The following MYOM1 variants were observed in gnomAD, a reference collection of about 807,000 sequenced individuals.
MYOM1 encodes myomesin 1, also known as myomesin-1.
Under a neutral mutation model 205.3 loss-of-function variants are expected in MYOM1, and 164 were observed. That is an observed-to-expected ratio of 0.80 (90% CI 0.70 to 0.91). The LOEUF is 0.91. Ranked by LOEUF, MYOM1 falls within the 40% of genes least tolerant of loss-of-function variation. The probability of loss-of-function intolerance (pLI) is 0.00; values close to 1 mark genes in which losing one functional copy is unlikely to be tolerated. For missense variants in MYOM1, 2,011 were observed against 2,127.3 expected (o/e 0.95, Z 1.08); for synonymous variants, 772 against 789.4 (o/e 0.98, Z 0.37).
chr18:3,185,561 G>C (rs2080798173), intron 5 of MYOM1, among the ~76,000 whole-genome samples: 1 of 151,908 alleles, frequency 6.6e-6, no homozygotes, highest in Admixed American at 6.6e-5. Context: ...GGAAGTAATT[G>C]GTTTTTTAAG....
In MYOM1 at chr18:3,094,184, T is replaced by C; in HGVS notation, c.3850A>G (p.Ile1284Val). 1 of 1,613,946 alleles carries C rather than the reference T, an allele frequency of 6.2e-7. No homozygotes were observed. Among genetic ancestry groups the C allele is most frequent in the Non-Finnish European group, 8.5e-7 (1 of 1,179,846 alleles). ...GTAAAACCTACCGGGCCTTCAAAAA[T>C]TTCCTTCTCGTTAAATATGTAGTTG... is the stretch of plus-strand genomic sequence containing the variant. ...KVNYIFNEKE[I>V]FEGPKYKMHI... The change falls in exon 26 of 38, where the codon ATT (isoleucine) becomes GTT (valine). Residue 1284 changes from isoleucine (I) to valine (V), a missense_variant. Transcript: ENST00000356443.
intron 25 of MYOM1, among the ~76,000 whole-genome samples, chr18:3,097,951 C>T (rs1465927978): frequency 2.0e-5 from 3 of 152,236 alleles, no homozygotes; most frequent in Non-Finnish European, 4.4e-5. Flanking sequence ...GCCTGGGCAT[C>T]TTGAGCTCAA....
At chr18:3,140,404 CAAA>C (rs34922897) in intron 14 of MYOM1, among the ~76,000 whole-genome samples, 1 of 118,496 alleles carries the variant, frequency 8.4e-6, no homozygotes. Flanking sequence ...GAGGCTGTCT[CAAA>C]AAAAAAAAAA....
At chr18:3,136,073 T>A (rs2079957072) in intron 14 of MYOM1, among the ~76,000 whole-genome samples, 1 of 151,894 alleles carries the variant, frequency 6.6e-6, no homozygotes, top group South Asian at 2.1e-4. Context: ...GTAAGTCTCA[T>A]GAGAGCTGAT....
At chr18:3,182,355 G>A (rs545911939) in intron 5 of MYOM1, among the ~76,000 whole-genome samples, 1 of 152,248 alleles carries the variant, frequency 6.6e-6, no homozygotes, top group East Asian at 1.9e-4. Context: ...GATGGGTGCA[G>A]TACACCAACA....
intron 31 of MYOM1, 38 bp from the exon 32 acceptor site, chr18:3,084,065 A>AAATTCTC (rs1567896500): frequency 6.4e-7 from 1 of 1,557,054 alleles, no homozygotes. Flanking sequence ...TTTAGCATAA[A>AAATTCTC]AATTCTCAAT....
At chr18:3,099,039 G>T (rs2079343338) in intron 25 of MYOM1, among the ~76,000 whole-genome samples, 1 of 152,084 alleles carries the variant, frequency 6.6e-6, no homozygotes, top group African/African-American at 2.4e-5. Context: ...CTGCAGCCTT[G>T]AACTCCTGGC....
chr18:3,235,065 T>C, the MYOM1 span, among the ~76,000 whole-genome samples: 10 of 152,078 alleles, frequency 6.6e-5, no homozygotes, highest in African/African-American at 2.4e-4. Flanking sequence ...CCCGACATAC[T>C]TTTGATATTG....
intron 19 of MYOM1, among the ~76,000 whole-genome samples, chr18:3,126,418 GA>G (rs778427633): frequency 2.0e-5 from 3 of 147,956 alleles, no homozygotes; most frequent in South Asian, 2.1e-4. Context: ...TGTAAGTTTT[GA>G]AAAAAAAATT....
At position 3,135,225 on chromosome 18, in the gene MYOM1, C is replaced by T. The variant is rs1413282725; in HGVS notation, c.2209+322G>A. The T allele has an allele frequency of 1.0e-5, 3 of 288,362 alleles. No homozygotes were observed. Among genetic ancestry groups the T allele is most frequent in the South Asian group, 4.8e-5 (1 of 20,890 alleles). The allele number at this position is 288,362 out of a possible 1,614,324, so 17.9% of individuals were successfully genotyped here. On this transcript the variant is annotated intron_variant, in intron 15 of 37. Coordinates refer to ENST00000356443, the MANE Select transcript of MYOM1 (RefSeq NM_003803.4). This position sits in a 1 kb window ranked among gnomAD's most constrained non-coding sequence, Gnocchi z 4.1. ...TCGGCCTCCCAAAGTGCTCAGATTA[C>T]AGACATGAGCCACCGCGCCTGGCCT...
chr18:3,129,568 T>C (rs767647905), intron 17 of MYOM1, 49 bp from the exon 18 acceptor site: 1 of 1,554,414 alleles, frequency 6.4e-7, no homozygotes, highest in Non-Finnish European at 8.7e-7. Flanking sequence ...GGACAGAGTA[T>C]CAGCTGCTCT....
At chr18:3,138,708 C>T (rs969933647) in intron 14 of MYOM1, among the ~76,000 whole-genome samples, 1 of 152,144 alleles carries the variant, frequency 6.6e-6, no homozygotes, top group African/African-American at 2.4e-5. Context: ...AAAATAGCTG[C>T]CTTTCACTGT....
At chr18:3,230,170 T>G in the MYOM1 span, among the ~76,000 whole-genome samples, 255 of 152,304 alleles carry the variant, frequency 1.7e-3, 2 homozygotes, top group Middle Eastern at 0.014. Flanking sequence ...CTACCATTAT[T>G]TGAGACCTAT....
chr18:3,128,829 TTC>T (rs1444944158), intron 18 of MYOM1, among the ~76,000 whole-genome samples: 1 of 152,208 alleles, frequency 6.6e-6, no homozygotes, highest in Non-Finnish European at 1.5e-5. Flanking sequence ...CGATGTCACC[TTC>T]TTTGTGAGAT....
chr18:3,084,232 T>C (rs2079123784), intron 31 of MYOM1, among the ~76,000 whole-genome samples: 1 of 152,196 alleles, frequency 6.6e-6, no homozygotes, highest in South Asian at 2.1e-4. Context: ...TTATTTTGAT[T>C]TTTTTTCCCT....
intron 22 of MYOM1, among the ~76,000 whole-genome samples, chr18:3,105,413 T>C (rs751546010): frequency 3.9e-5 from 6 of 152,242 alleles, no homozygotes; most frequent in Non-Finnish European, 7.3e-5. Context: ...AAAACGATTT[T>C]CATCAGAAAG....
intron 33 of MYOM1, among the ~76,000 whole-genome samples, chr18:3,083,484 A>C (rs1460545843): frequency 1.5e-5 from 2 of 132,812 alleles, no homozygotes; most frequent in African/African-American, 5.8e-5. Context: ...GCTGAAGTAC[A>C]GTGGTGCAAT....
Position 3,189,291 on chromosome 18 carries a change from C to T in MYOM1, c.432-204G>A, listed in dbSNP as rs1199983321. On this transcript the variant is annotated intron_variant, in intron 3 of 37. Transcript: ENST00000356443. The surrounding 1 kb of genome is among the most constrained non-coding windows in gnomAD (Gnocchi z 4.8). ...TTAACAAATAACAACAATAATAACA[C>T]CTATGATGGCCCTGGTGCTTTTCAC... is the stretch of plus-strand genomic sequence containing the variant. 1.3e-5 allele frequency among the ~76,000 whole-genome samples: 2 copies of T among 152,048 alleles called. No homozygotes were observed. Among genetic ancestry groups the T allele is most frequent in the Admixed American group, 1.3e-4 (2 of 15,244 alleles).
chr18:3,137,271 T>C (rs929314740), intron 14 of MYOM1, among the ~76,000 whole-genome samples: 3 of 152,120 alleles, frequency 2.0e-5, no homozygotes, highest in African/African-American at 7.2e-5. Context: ...TCTAAATGAC[T>C]GAAAGATGAA....
Sources: gnomAD v4.1 joint callset for allele counts (sites outside exome capture counted in the v4.1 genomes callset) on GRCh38, gnomAD v4.1.1 for gene constraint, Gnocchi (gnomAD v3.1) non-coding constraint, MANE v1.5 for transcripts, NCBI Gene and HGNC (gene_info 2026-07-23, HGNC 2026-07-21) for gene names.